Variants in CSTPP1 observed in about 807,000 individuals in gnomAD.
CSTPP1 encodes centriolar satellite-associated tubulin polyglutamylase complex regulator 1.
the CSTPP1 span, among the ~76,000 whole-genome samples, chr11:47,070,287 A>C: frequency 6.6e-6 from 1 of 151,986 alleles, no homozygotes; most frequent in African/African-American, 2.4e-5. Context: ...AGAGAGAGAG[A>C]GCTGGAAGTA....
At chr11:47,017,594 C>T in the CSTPP1 span, among the ~76,000 whole-genome samples, 2 of 152,166 alleles carry the variant, frequency 1.3e-5, no homozygotes, top group Non-Finnish European at 2.9e-5. Flanking sequence ...CTGACAACCA[C>T]TGATTTGTTC....
chr11:47,044,399 T>C, the CSTPP1 span, among the ~76,000 whole-genome samples: 1 of 152,100 alleles, frequency 6.6e-6, no homozygotes, highest in Non-Finnish European at 1.5e-5. Flanking sequence ...TTTCTTGAGA[T>C]AGGATCTCAC....
the CSTPP1 span, among the ~76,000 whole-genome samples, chr11:46,960,965 C>T: frequency 0.023 from 3,513 of 152,176 alleles, 71 homozygotes; most frequent in South Asian, 0.075. Flanking sequence ...TTTGTTTATT[C>T]ATTCATCACT....
At chr11:46,962,449 A>G in the CSTPP1 span, among the ~76,000 whole-genome samples, 1 of 152,196 alleles carries the variant, frequency 6.6e-6, no homozygotes, top group Non-Finnish European at 1.5e-5. Flanking sequence ...TTTTAGGATC[A>G]GCTTGTCAGT....
At chr11:47,006,822 G>A in the CSTPP1 span, among the ~76,000 whole-genome samples, 1 of 149,316 alleles carries the variant, frequency 6.7e-6, no homozygotes, top group African/African-American at 2.5e-5. Flanking sequence ...AAACTCCTGG[G>A]CTCAAGTGAT....
chr11:47,137,861 TG>T, the CSTPP1 span: 1 of 819,316 alleles, frequency 1.2e-6, no homozygotes, highest in African/African-American at 1.7e-5. Context: ...GGGGTCTATT[TG>T]GGATGTGCCC....
the CSTPP1 span, among the ~76,000 whole-genome samples, chr11:46,999,709 G>A: frequency 6.6e-6 from 1 of 152,080 alleles, no homozygotes; most frequent in Non-Finnish European, 1.5e-5. Context: ...ATATGTTAAC[G>A]GTATCCTTCC....
At chr11:47,150,941 C>G in the CSTPP1 span, among the ~76,000 whole-genome samples, 1 of 138,548 alleles carries the variant, frequency 7.2e-6, no homozygotes, top group African/African-American at 2.7e-5. Flanking sequence ...GGCTGGAGTG[C>G]AGTGGCACAA....
At chr11:47,090,186 C>T in the CSTPP1 span, among the ~76,000 whole-genome samples, 4 of 152,208 alleles carry the variant, frequency 2.6e-5, no homozygotes, top group Non-Finnish European at 2.9e-5. Context: ...GGTTTCTCCA[C>T]GTTGCTCAGG....
the CSTPP1 span, among the ~76,000 whole-genome samples, chr11:46,995,979 T>C: frequency 6.6e-6 from 1 of 152,216 alleles, no homozygotes; most frequent in Non-Finnish European, 1.5e-5. Context: ...GGTGCGTATA[T>C]ATTTAGGATA....
chr11:47,079,502 CTGTT>C, the CSTPP1 span, among the ~76,000 whole-genome samples: 2 of 152,012 alleles, frequency 1.3e-5, no homozygotes, highest in African/African-American at 2.4e-5. Context: ...TCTTTTTTTC[CTGTT>C]TGTTTATGTT....
the CSTPP1 span, among the ~76,000 whole-genome samples, chr11:47,059,371 A>G: frequency 6.6e-6 from 1 of 152,190 alleles, no homozygotes; most frequent in Non-Finnish European, 1.5e-5. Context: ...TCTGCCAAAA[A>G]AAACCTGAGT....
At chr11:47,158,667 C>A in the CSTPP1 span, among the ~76,000 whole-genome samples, 4 of 152,152 alleles carry the variant, frequency 2.6e-5, no homozygotes, top group Admixed American at 2.6e-4. Flanking sequence ...TCCCTAGTAG[C>A]TGGGACTACA....
chr11:47,082,390 A>G, the CSTPP1 span, among the ~76,000 whole-genome samples: 1 of 152,172 alleles, frequency 6.6e-6, no homozygotes, highest in South Asian at 2.1e-4. Context: ...TTTGCAACTT[A>G]TATCACAGAT....
the CSTPP1 span, chr11:47,160,969 C>T: frequency 1.1e-5 from 10 of 883,988 alleles, no homozygotes; most frequent in South Asian, 3.4e-5. Flanking sequence ...CTTCCTGCTC[C>T]GTGACTGTTC....
chr11:46,942,182 T>C, the CSTPP1 span, among the ~76,000 whole-genome samples: 1 of 152,128 alleles, frequency 6.6e-6, no homozygotes, highest in Admixed American at 6.5e-5. Flanking sequence ...GTGATAAAAA[T>C]TGTGTTAATG....
chr11:46,978,541 A>G, the CSTPP1 span, among the ~76,000 whole-genome samples: 2 of 152,214 alleles, frequency 1.3e-5, no homozygotes, highest in Non-Finnish European at 2.9e-5. Flanking sequence ...TGTGTAGACT[A>G]AACTGGGGCC....
chr11:47,137,138 A>G, the CSTPP1 span, among the ~76,000 whole-genome samples: 340 of 152,344 alleles, frequency 2.2e-3, 2 homozygotes, highest in Middle Eastern at 0.01. Context: ...ACTGGATGAC[A>G]GAGTAATGAG....
chr11:47,031,968 G>T, the CSTPP1 span, among the ~76,000 whole-genome samples: 2 of 152,082 alleles, frequency 1.3e-5, no homozygotes, highest in African/African-American at 4.8e-5. Flanking sequence ...TAGCCTGGAA[G>T]GGTAGGCCAG....
Sources: allele counts gnomAD v4.1 joint callset (sites outside exome capture counted in the v4.1 genomes callset), GRCh38; gene constraint gnomAD v4.1.1; transcripts MANE v1.5; gene names NCBI Gene and HGNC (gene_info 2026-07-23, HGNC 2026-07-21).